Variants in PTPRK observed in about 807,000 individuals in gnomAD.
PTPRK encodes the protein receptor-type tyrosine-protein phosphatase kappa.
A neutral mutation model predicts 178.0 loss-of-function variants in PTPRK; 75 were observed. The ratio of observed to expected loss-of-function variants is 0.42; its 90% CI spans 0.35 to 0.51. The LOEUF is 0.51. Ranked by LOEUF, PTPRK falls within the 20% of genes least tolerant of loss-of-function variation. The pLI is 0.02. For synonymous variants in PTPRK, 637 were observed against 620.6 expected (o/e 1.03, Z -0.39); for missense variants, 1,441 against 1,797.8 (o/e 0.80, Z 3.59).
At chr6:128,005,994 G>A (rs1024520121) in intron 14 of PTPRK, 4 of 1,498,132 alleles carry the variant, frequency 2.7e-6, no homozygotes, top group African/African-American at 1.4e-5. Context: ...CTTAACACAC[G>A]TAAAGTTGTA....
At chr6:128,375,081 T>TTATTAC (rs1427025589) in intron 2 of PTPRK, among the ~76,000 whole-genome samples, 2 of 147,140 alleles carry the variant, frequency 1.4e-5, no homozygotes, top group Non-Finnish European at 3.0e-5. Context: ...ATTATTATTA[T>TTATTAC]TATTATTATT....
chr6:128,002,850 C>T (rs1163934660), intron 15 of PTPRK, among the ~76,000 whole-genome samples: 1 of 151,856 alleles, frequency 6.6e-6, no homozygotes, highest in African/African-American at 2.4e-5. Context: ...TAGACTTTTA[C>T]ATATAAACTA....
At chr6:128,354,508 T>C (rs1461081092) in intron 2 of PTPRK, among the ~76,000 whole-genome samples, 1 of 152,164 alleles carries the variant, frequency 6.6e-6, no homozygotes, top group Admixed American at 6.5e-5. Context: ...GTGCTGGGAT[T>C]ACAGGCGTGA....
chr6:128,189,661 A>AT (rs1248017079), intron 6 of PTPRK, among the ~76,000 whole-genome samples: 1 of 152,008 alleles, frequency 6.6e-6, no homozygotes, highest in African/African-American at 2.4e-5. Flanking sequence ...TGCAGATGGA[A>AT]TTTTTTTTAT....
intron 2 of PTPRK, among the ~76,000 whole-genome samples, chr6:128,345,434 G>A (rs540469964): frequency 2.0e-5 from 3 of 152,148 alleles, no homozygotes; most frequent in East Asian, 1.9e-4. Flanking sequence ...GTATGTTCAC[G>A]ATCTCCTCAA....
At chr6:128,082,047 GTACTATAA>G (rs1288915476) in intron 10 of PTPRK, among the ~76,000 whole-genome samples, 44 of 152,096 alleles carry the variant, frequency 2.9e-4, no homozygotes, top group African/African-American at 1.1e-3. Context: ...AAGGTATGTA[GTACTATAA>G]TACTAGAGAA....
chr6:128,181,979 T>G, intron 7 of PTPRK, among the ~76,000 whole-genome samples: 1 of 152,210 alleles, frequency 6.6e-6, no homozygotes. Flanking sequence ...GTAACCATGG[T>G]TTCTCTCAAA....
At chr6:128,002,737 G>C (rs946802146) in intron 15 of PTPRK, among the ~76,000 whole-genome samples, 6 of 151,754 alleles carry the variant, frequency 4.0e-5, no homozygotes, top group African/African-American at 1.2e-4. Context: ...TCTTAATAAA[G>C]ACAAAAGCTA....
At chr6:128,242,976 C>G (rs947103817) in intron 3 of PTPRK, among the ~76,000 whole-genome samples, 1 of 152,040 alleles carries the variant, frequency 6.6e-6, no homozygotes, top group African/African-American at 2.4e-5. Flanking sequence ...CTACTATGTG[C>G]CAAGCAGTAT....
At chr6:128,379,342 A>T (rs1035113328) in intron 2 of PTPRK, among the ~76,000 whole-genome samples, 2 of 152,142 alleles carry the variant, frequency 1.3e-5, no homozygotes, top group Non-Finnish European at 2.9e-5. Context: ...TGACTAGTAA[A>T]ATGACATGGA....
intron 1 of PTPRK, among the ~76,000 whole-genome samples, chr6:128,406,852 G>T (rs946294246): frequency 6.6e-6 from 1 of 152,190 alleles, no homozygotes; most frequent in Non-Finnish European, 1.5e-5. Context: ...ACCACATAAA[G>T]ATTTCCCAAG....
At chr6:128,188,724 G>A (rs770135073) in intron 6 of PTPRK, among the ~76,000 whole-genome samples, 77 of 152,284 alleles carry the variant, frequency 5.1e-4, no homozygotes, top group Non-Finnish European at 9.4e-4. Context: ...CAAGCTGTCA[G>A]AAGGCCGTAC....
chr6:128,193,291 A>G (rs1242040847), intron 6 of PTPRK, among the ~76,000 whole-genome samples: 3 of 151,270 alleles, frequency 2.0e-5, no homozygotes, highest in East Asian at 1.9e-4. Context: ...AAAAAAAAAA[A>G]AAAAAAAAAA....
chr6:128,021,491 C>G lies in PTPRK; in HGVS notation c.2195-12223G>C, dbSNP rs188672799. On this transcript the variant is annotated intron_variant, in intron 13 of 29. Coordinates refer to ENST00000368226, the MANE Select transcript of PTPRK (RefSeq NM_002844.4). ...CTCTACTAAAAATACAAAAAATTAG[C>G]CGGGCGTGGTGGTGGGCGCCTGTAG... 2.1e-4 allele frequency among the ~76,000 whole-genome samples: 32 copies of G among 152,160 alleles called. No individual in the cohort carries two copies. The East Asian group carries it at 5.6e-3, about 27-fold the overall frequency.
intron 2 of PTPRK, among the ~76,000 whole-genome samples, chr6:128,378,423 T>C (rs1323307717): frequency 1.3e-5 from 2 of 152,032 alleles, no homozygotes; most frequent in Non-Finnish European, 1.5e-5. Flanking sequence ...AAACATAGAC[T>C]TAGAGGTAAC....
chr6:128,288,647 C>T (rs141243151), intron 3 of PTPRK, among the ~76,000 whole-genome samples: 2 of 152,122 alleles, frequency 1.3e-5, no homozygotes, highest in African/African-American at 4.8e-5. Flanking sequence ...AGATACCCCT[C>T]AAATAAAAAT....
intron 7 of PTPRK, among the ~76,000 whole-genome samples, chr6:128,129,670 A>G (rs1793914187): frequency 6.6e-6 from 1 of 152,224 alleles, no homozygotes; most frequent in African/African-American, 2.4e-5. Flanking sequence ...CAGTGTGTAC[A>G]GACGAATGTA....
intron 2 of PTPRK, among the ~76,000 whole-genome samples, chr6:128,353,677 T>A (rs1425536599): frequency 6.6e-6 from 1 of 152,182 alleles, no homozygotes. Context: ...TCTTAAATTG[T>A]GACGTTACAG....
chr6:127,988,301 T>C (rs974426497), intron 21 of PTPRK, among the ~76,000 whole-genome samples: 2 of 103,890 alleles, frequency 1.9e-5, no homozygotes, highest in East Asian at 4.3e-4. Flanking sequence ...TATGCTAACC[T>C]TTTTTTTTTT....
Sources: allele counts gnomAD v4.1 joint callset (sites outside exome capture counted in the v4.1 genomes callset), GRCh38; gene constraint gnomAD v4.1.1; transcripts MANE v1.5; gene names NCBI Gene and HGNC (gene_info 2026-07-23, HGNC 2026-07-21).